The following PRKCE variants were observed in gnomAD, a reference collection of about 807,000 sequenced individuals.
PRKCE encodes protein kinase C epsilon.
Under a neutral mutation model 85.4 loss-of-function variants are expected in PRKCE, and 16 were observed. The ratio of observed to expected loss-of-function variants is 0.19; its 90% confidence interval spans 0.13 to 0.28. The LOEUF is 0.28. Among genes scored for constraint, PRKCE ranks in the 10% least tolerant of loss-of-function variants. The pLI is 1.00. For synonymous variants in PRKCE, 388 were observed against 371.5 expected (o/e 1.04, Z -0.51); for missense variants, 573 against 975.2 (o/e 0.59, Z 5.49).
chr2:45,856,085 A>G (rs1343954758), intron 2 of PRKCE, among the ~76,000 whole-genome samples: 1 of 152,190 alleles, frequency 6.6e-6, no homozygotes, highest in African/African-American at 2.4e-5. Flanking sequence ...TTAAAAAATT[A>G]TAATCGATAC....
At chr2:46,028,472 C>T (rs1707289261) in intron 10 of PRKCE, among the ~76,000 whole-genome samples, 1 of 152,096 alleles carries the variant, frequency 6.6e-6, no homozygotes, top group Non-Finnish European at 1.5e-5. Flanking sequence ...TAAATTGAAC[C>T]TTTTAAACTG....
intron 1 of PRKCE, among the ~76,000 whole-genome samples, chr2:45,760,664 C>G (rs967417984): frequency 1.3e-5 from 2 of 152,248 alleles, no homozygotes; most frequent in South Asian, 4.1e-4. Context: ...GAATCATTTT[C>G]TTGAAGACGA....
chr2:45,887,813 G>A (rs559667497), intron 2 of PRKCE, among the ~76,000 whole-genome samples: 6 of 152,216 alleles, frequency 3.9e-5, no homozygotes, highest in Admixed American at 3.9e-4. Context: ...GCAAATGGCA[G>A]CTACTGCCAA....
At chr2:45,830,037 C>T (rs1458307024) in intron 1 of PRKCE, among the ~76,000 whole-genome samples, 6 of 140,588 alleles carry the variant, frequency 4.3e-5, no homozygotes, top group African/African-American at 1.6e-4. Context: ...CGCGCCACTG[C>T]ACTCCAGCCT....
chr2:46,037,758 G>A (rs1377366494), intron 10 of PRKCE, among the ~76,000 whole-genome samples: 1 of 152,100 alleles, frequency 6.6e-6, no homozygotes, highest in Admixed American at 6.6e-5. Context: ...CAGATTACAG[G>A]GGGTATCAGG....
chr2:46,135,315 T>G (rs1395988135), intron 11 of PRKCE, among the ~76,000 whole-genome samples: 1 of 152,206 alleles, frequency 6.6e-6, no homozygotes, highest in South Asian at 2.1e-4. Flanking sequence ...GTGGACACGA[T>G]GTATATTTTT....
intron 1 of PRKCE, among the ~76,000 whole-genome samples, chr2:45,733,351 C>T (rs1681753335): frequency 1.3e-5 from 2 of 152,148 alleles, no homozygotes; most frequent in South Asian, 2.1e-4. Flanking sequence ...AGGCATGATT[C>T]GAGGAGCTTG....
chr2:45,850,161 A>C (rs1223970067), intron 2 of PRKCE, among the ~76,000 whole-genome samples: 1 of 152,226 alleles, frequency 6.6e-6, no homozygotes, highest in Non-Finnish European at 1.5e-5. Flanking sequence ...GTGTTTGGAG[A>C]GCAGAGCTCT....
At chr2:45,688,206 T>C (rs895465418) in intron 1 of PRKCE, among the ~76,000 whole-genome samples, 2 of 152,220 alleles carry the variant, frequency 1.3e-5, no homozygotes, top group Admixed American at 6.5e-5. Flanking sequence ...GAGAGGTCCC[T>C]GAGCAGTTGG....
At chr2:46,173,100 A>G (rs996144995) in intron 14 of PRKCE, among the ~76,000 whole-genome samples, 4 of 152,254 alleles carry the variant, frequency 2.6e-5, no homozygotes, top group African/African-American at 9.6e-5. Context: ...ACTGCAGCCC[A>G]GGGCCAAATC....
chr2:46,110,611 C>T (rs1672159500), intron 11 of PRKCE, among the ~76,000 whole-genome samples: 1 of 151,474 alleles, frequency 6.6e-6, no homozygotes, highest in Non-Finnish European at 1.5e-5. Flanking sequence ...ATAGTCTTGT[C>T]AATATTCTTA....
chr2:46,060,966 T>A (rs1184296455), intron 10 of PRKCE, among the ~76,000 whole-genome samples: 1 of 151,968 alleles, frequency 6.6e-6, no homozygotes, highest in Non-Finnish European at 1.5e-5. Flanking sequence ...TTTGTCATGT[T>A]GGCTAGGCTG....
chr2:45,904,050 C>T lies in PRKCE; in HGVS notation c.412+60987C>T, dbSNP rs952517350. ...TTTGGAGTAGCTGGGATTACAGGCA[C>T]GCACTACCACACCCAGGTAATTTTT... On this transcript the variant is annotated intron_variant, in intron 2 of 14. Transcript: ENST00000306156. Among the ~76,000 whole-genome samples, 8 of 151,872 alleles carry T rather than the reference C, an allele frequency of 5.3e-5. No homozygotes were observed. In the South Asian group the frequency reaches 6.2e-4, roughly 12 times the overall value.
chr2:45,914,318 T>C (rs78175517), intron 2 of PRKCE, among the ~76,000 whole-genome samples: 1,985 of 152,328 alleles, frequency 0.013, 24 homozygotes, highest in Middle Eastern at 0.058. Context: ...TGACTGAATA[T>C]GGAACACCAG....
At position 46,155,608 on chromosome 2, in the gene PRKCE, C is replaced by G. The variant is rs376601176; in HGVS notation, c.1921-3998C>G. ...AGGGGTCCCTCACATTCAGTATACT[C>G]CCAAACAGCTCTGGATGGTCCCCCT... On this transcript the variant is annotated intron_variant, in intron 13 of 14. Coordinates refer to ENST00000306156, the MANE Select transcript of PRKCE (RefSeq NM_005400.3). The surrounding 1 kb of genome is among the most constrained non-coding windows in gnomAD (Gnocchi z 4.7). 2.7e-3 allele frequency among the ~76,000 whole-genome samples: 412 copies of G among 152,278 alleles called. 3 individuals carry two copies. The highest frequency in any genetic ancestry group is 4.3e-3 in the Non-Finnish European group (291 of 68,012).
At chr2:46,025,062 C>T (rs954892655) in intron 10 of PRKCE, among the ~76,000 whole-genome samples, 16 of 151,496 alleles carry the variant, frequency 1.1e-4, no homozygotes, top group Non-Finnish European at 3.0e-5. Context: ...AAAGAAAGCT[C>T]GAAAATTTGA....
chr2:46,110,771 C>A (rs1558465850), intron 11 of PRKCE, among the ~76,000 whole-genome samples: 1 of 151,938 alleles, frequency 6.6e-6, no homozygotes, highest in African/African-American at 2.4e-5. Flanking sequence ...TTTCTTGGGG[C>A]AGAAGCTTAG....
intron 2 of PRKCE, among the ~76,000 whole-genome samples, chr2:45,933,464 CTTTTTTTTTTTT>C (rs59991455): frequency 1.5e-5 from 1 of 65,362 alleles, no homozygotes. Context: ...CATATGCCTG[CTTTTTTTTTTTT>C]TTTTTTTTTT....
chr2:45,751,045 C>G (rs1683517241), intron 1 of PRKCE, among the ~76,000 whole-genome samples: 1 of 152,180 alleles, frequency 6.6e-6, no homozygotes, highest in Non-Finnish European at 1.5e-5. Context: ...CCCCAGGAAC[C>G]CATTGCCTGC....
Sources: allele counts gnomAD v4.1 joint callset (sites outside exome capture counted in the v4.1 genomes callset), GRCh38; gene constraint gnomAD v4.1.1; non-coding constraint Gnocchi (gnomAD v3.1); transcripts MANE v1.5; gene names NCBI Gene and HGNC (gene_info 2026-07-23, HGNC 2026-07-21).